Variants in MGAT4C observed in about 807,000 individuals in gnomAD.
MGAT4C encodes the protein MGAT4 family member C.
A neutral mutation model predicts 40.1 loss-of-function variants in MGAT4C; 19 were observed. The ratio of observed to expected loss-of-function variants is 0.47; its 90% CI spans 0.33 to 0.70. MGAT4C has a LOEUF of 0.70. Ranked by LOEUF, MGAT4C falls within the 30% of genes least tolerant of loss-of-function variation. The pLI, the probability that MGAT4C is intolerant of heterozygous loss-of-function variation, is 0.02. For synonymous variants in MGAT4C, 181 were observed against 187.1 expected (o/e 0.97, Z 0.27); for missense variants, 491 against 563.2 (o/e 0.87, Z 1.30).
intron 1 of MGAT4C, among the ~76,000 whole-genome samples, chr12:86,820,932 C>T (rs1952694486): frequency 6.6e-6 from 1 of 150,758 alleles, no homozygotes; most frequent in South Asian, 2.1e-4. Context: ...ATAGGTAAAA[C>T]TAATGAGAGT....
intron 1 of MGAT4C, among the ~76,000 whole-genome samples, chr12:86,132,852 T>C (rs1881436054): frequency 6.6e-6 from 1 of 151,686 alleles, no homozygotes; most frequent in Non-Finnish European, 1.5e-5. Flanking sequence ...AATGTTATTA[T>C]TTCTCAAAAG....
At chr12:86,191,205 G>C (rs912046709) in intron 1 of MGAT4C, among the ~76,000 whole-genome samples, 2 of 151,468 alleles carry the variant, frequency 1.3e-5, no homozygotes, top group African/African-American at 4.9e-5. Context: ...GTTCTAGAAG[G>C]ACAGACTCTT....
chr12:86,316,844 C>T (rs1415313228), intron 4 of MGAT4C, among the ~76,000 whole-genome samples: 2 of 152,066 alleles, frequency 1.3e-5, no homozygotes, highest in East Asian at 3.9e-4. Context: ...AGCCTGCCTA[C>T]GTACCACTCA....
At chr12:86,115,369 A>T in intron 1 of MGAT4C, among the ~76,000 whole-genome samples, 1 of 151,968 alleles carries the variant, frequency 6.6e-6, no homozygotes. Flanking sequence ...TATACTTAAG[A>T]TTTGGGGTAG....
intron 2 of MGAT4C, among the ~76,000 whole-genome samples, chr12:86,527,490 T>C (rs955544395): frequency 3.3e-5 from 5 of 152,266 alleles, no homozygotes; most frequent in African/African-American, 1.2e-4. Context: ...ATTTTGTGGT[T>C]TCATATAAAC....
Position 86,025,840 on chromosome 12 carries a change from T to C in MGAT4C, c.-7+23834A>G, listed in dbSNP as rs116374667. Among the ~76,000 whole-genome samples, 324 of 151,860 alleles carry C rather than the reference T, an allele frequency of 2.1e-3. 2 individuals are homozygous for C. The highest frequency in any genetic ancestry group is 0.01 in the Middle Eastern group (3 of 294). On this transcript the variant is annotated intron_variant, in intron 2 of 4. Coordinates refer to ENST00000611864, the MANE Select transcript of MGAT4C (RefSeq NM_001351288.2). ...GAGGTGTATCTGACTCCCCAGACTG[T>C]GGTGTAAGACATTATGCTATGTTGT...
chr12:86,601,301 AT>A (rs1162768672), intron 2 of MGAT4C: 2 of 150,388 alleles, frequency 1.3e-5, no homozygotes, highest in Non-Finnish European at 3.0e-5. Context: ...GGGAGTGAGA[AT>A]TTTTTTTGAT....
chr12:86,221,718 C>T (rs1034355115), intron 1 of MGAT4C, among the ~76,000 whole-genome samples: 3 of 152,138 alleles, frequency 2.0e-5, no homozygotes, highest in African/African-American at 7.2e-5. Flanking sequence ...AAAACAAATA[C>T]CTAGCTGTAA....
intron 1 of MGAT4C, among the ~76,000 whole-genome samples, chr12:86,093,772 A>ACAACAACAC (rs1048743521): frequency 3.9e-5 from 5 of 127,576 alleles, no homozygotes; most frequent in Middle Eastern, 3.8e-3. Context: ...AACAACAACA[A>ACAACAACAC]CACCTACAAG....
intron 2 of MGAT4C, among the ~76,000 whole-genome samples, chr12:85,994,891 T>C (rs898905398): frequency 1.3e-5 from 2 of 152,116 alleles, no homozygotes; most frequent in African/African-American, 2.4e-5. Flanking sequence ...TTATGGGCTA[T>C]GATTGATAGT....
At chr12:86,167,184 C>T (rs1886284789) in intron 1 of MGAT4C, among the ~76,000 whole-genome samples, 1 of 152,094 alleles carries the variant, frequency 6.6e-6, no homozygotes. Flanking sequence ...TACTCTATGG[C>T]AAGTTTGGTG....
intron 2 of MGAT4C, among the ~76,000 whole-genome samples, chr12:86,466,396 G>A (rs1957683581): frequency 6.6e-6 from 1 of 152,148 alleles, no homozygotes; most frequent in Non-Finnish European, 1.5e-5. Context: ...AAAAGATTTG[G>A]AGGAAACTTA....
At chr12:86,682,605 A>C (rs1950002307) in intron 2 of MGAT4C, among the ~76,000 whole-genome samples, 1 of 152,116 alleles carries the variant, frequency 6.6e-6, no homozygotes, top group Admixed American at 6.6e-5. Flanking sequence ...GTGGAAGCCC[A>C]AACTAGGGAA....
intron 1 of MGAT4C, among the ~76,000 whole-genome samples, chr12:86,074,066 C>T (rs151062506): frequency 5.6e-4 from 85 of 152,266 alleles, no homozygotes; most frequent in African/African-American, 1.9e-3. Flanking sequence ...TTTTCTCATG[C>T]TGTGCTCCTG....
chr12:86,800,887 G>T (rs1451180886), intron 1 of MGAT4C, among the ~76,000 whole-genome samples: 1 of 151,804 alleles, frequency 6.6e-6, no homozygotes, highest in Non-Finnish European at 1.5e-5. Flanking sequence ...AAGAAATCCT[G>T]CTAAGTCAGT....
At chr12:86,621,589 C>T (rs972738459) in intron 2 of MGAT4C, among the ~76,000 whole-genome samples, 1 of 152,100 alleles carries the variant, frequency 6.6e-6, no homozygotes, top group Non-Finnish European at 1.5e-5. Context: ...TGTGATCCTC[C>T]CACTTCAGCC....
intron 3 of MGAT4C, among the ~76,000 whole-genome samples, chr12:86,361,105 C>G (rs889961722): frequency 6.6e-6 from 1 of 152,084 alleles, no homozygotes; most frequent in African/African-American, 2.4e-5. Context: ...GCTATAGCAA[C>G]CAAAACAGCA....
In MGAT4C at chr12:86,804,549, A is replaced by C. The variant is rs1005941922; in HGVS notation, c.-262+34117T>G. On this transcript the variant is annotated intron_variant, in intron 1 of 7. Transcript: ENST00000548651. Reference sequence around the variant, plus strand: ...CATTATAAGTGCTATATTGTAATTGAAATAAGTCTTTGTCAGTGACAAAAT... The same window carrying C: ...CATTATAAGTGCTATATTGTAATTGCAATAAGTCTTTGTCAGTGACAAAAT... Among the ~76,000 whole-genome samples, 7 of 152,102 alleles carry C rather than the reference A, an allele frequency of 4.6e-5. No homozygotes were observed. In the South Asian group the frequency reaches 1.5e-3, roughly 32 times the overall value.
intron 2 of MGAT4C, among the ~76,000 whole-genome samples, chr12:86,013,259 T>C (rs1236090875): frequency 6.6e-6 from 1 of 152,162 alleles, no homozygotes. Flanking sequence ...CTGTACCAAG[T>C]AATTTTTTTT....
Sources: gnomAD v4.1 joint callset for allele counts (sites outside exome capture counted in the v4.1 genomes callset) on GRCh38, gnomAD v4.1.1 for gene constraint, MANE v1.5 for transcripts, NCBI Gene and HGNC (gene_info 2026-07-23, HGNC 2026-07-21) for gene names.